Variants in KCNJ6 observed in about 807,000 individuals in gnomAD.
KCNJ6 encodes the protein G protein-activated inward rectifier potassium channel 2.
A neutral mutation model predicts 34.2 loss-of-function variants in KCNJ6; 9 were observed. The observed-to-expected ratio is 0.26, with a 90% CI of 0.16 to 0.46. The LOEUF (loss-of-function observed/expected upper bound fraction) is 0.46. Among genes scored for constraint, KCNJ6 ranks in the 20% least tolerant of loss-of-function variants. The pLI, the probability that KCNJ6 is intolerant of heterozygous loss-of-function variation, is 1.00. For synonymous variants in KCNJ6, 196 were observed against 207.1 expected, an observed-to-expected ratio of 0.95 and a Z score of 0.46; for missense variants, 236 against 531.3, an observed-to-expected ratio of 0.44 and a Z score of 5.46.
chr21:37,877,432 A>G (rs746233787), intron 1 of KCNJ6, among the ~76,000 whole-genome samples: 5 of 152,198 alleles, frequency 3.3e-5, no homozygotes, highest in Non-Finnish European at 7.3e-5. Flanking sequence ...GAGGGAAAGA[A>G]TCACTGATCT....
At chr21:37,881,066 T>C (rs1473735346) in intron 1 of KCNJ6, among the ~76,000 whole-genome samples, 1 of 152,128 alleles carries the variant, frequency 6.6e-6, no homozygotes, top group Non-Finnish European at 1.5e-5. Flanking sequence ...GATGCAGACG[T>C]GGAGAGTCTG....
At chr21:37,888,266 C>T (rs1050638966) in intron 1 of KCNJ6, among the ~76,000 whole-genome samples, 1 of 152,202 alleles carries the variant, frequency 6.6e-6, no homozygotes, top group Non-Finnish European at 1.5e-5. Context: ...CTACTGCTCC[C>T]ACATCATTCT....
chr21:37,808,938 T>C (rs1462579181), intron 2 of KCNJ6, among the ~76,000 whole-genome samples: 1 of 152,210 alleles, frequency 6.6e-6, no homozygotes, highest in Admixed American at 6.5e-5. Context: ...TGTAAACTAG[T>C]TCAACCATTG....
intron 1 of KCNJ6, among the ~76,000 whole-genome samples, chr21:37,899,278 T>A (rs536666112): frequency 1.2e-4 from 18 of 152,222 alleles, no homozygotes; most frequent in South Asian, 4.1e-4. Flanking sequence ...TTAATGATAT[T>A]CTTGCACATG....
At chr21:37,712,490 C>CCTCCCTCCTACCCTTCTCCTCCTCT (rs2054759339) in intron 3 of KCNJ6, among the ~76,000 whole-genome samples, 1 of 100,858 alleles carries the variant, frequency 9.9e-6, no homozygotes, top group African/African-American at 3.0e-5. Flanking sequence ...CTTTCTCTTC[C>CCTCCCTCCTACCCTTCTCCTCCTCT]CTCCCTCCTC....
At chr21:37,878,112 A>G (rs2055688149) in intron 1 of KCNJ6, among the ~76,000 whole-genome samples, 2 of 152,246 alleles carry the variant, frequency 1.3e-5, no homozygotes, top group South Asian at 2.1e-4. Context: ...GGTGGAAACA[A>G]TAAGCACTGA....
At chr21:37,816,711 C>T (rs1385808357) in intron 2 of KCNJ6, among the ~76,000 whole-genome samples, 4 of 152,100 alleles carry the variant, frequency 2.6e-5, no homozygotes, top group Admixed American at 1.3e-4. Context: ...AGAGACGTGC[C>T]GCCTCTGCTG....
chr21:37,804,073 T>A (rs2055282257), intron 2 of KCNJ6, among the ~76,000 whole-genome samples: 2 of 152,204 alleles, frequency 1.3e-5, no homozygotes, highest in Non-Finnish European at 2.9e-5. Flanking sequence ...TCAAAGGAGA[T>A]ATTAAAATCT....
At chr21:37,630,904 C>G (rs986083209) in intron 3 of KCNJ6, among the ~76,000 whole-genome samples, 1 of 151,772 alleles carries the variant, frequency 6.6e-6, no homozygotes, top group African/African-American at 2.4e-5. Flanking sequence ...TCTTGAATGC[C>G]CTTCCCATAG....
intron 2 of KCNJ6, among the ~76,000 whole-genome samples, chr21:37,765,903 AAATT>A (rs775549919): frequency 1.2e-4 from 18 of 152,248 alleles, no homozygotes; most frequent in East Asian, 1.9e-4. Context: ...ATTTATAATA[AAATT>A]ATTATGCATA....
chr21:37,744,392 T>C (rs1292240896), intron 2 of KCNJ6, among the ~76,000 whole-genome samples: 2 of 151,956 alleles, frequency 1.3e-5, no homozygotes, highest in Admixed American at 1.3e-4. Flanking sequence ...TGGGAAGGAA[T>C]GCACATGATT....
intron 2 of KCNJ6, among the ~76,000 whole-genome samples, chr21:37,770,830 TC>T (rs1250224741): frequency 6.6e-6 from 1 of 152,190 alleles, no homozygotes; most frequent in African/African-American, 2.4e-5. Context: ...ATATATGTTT[TC>T]CCCCTTCTTT....
chr21:37,639,799 T>C (rs922752777), intron 3 of KCNJ6, among the ~76,000 whole-genome samples: 28 of 152,214 alleles, frequency 1.8e-4, no homozygotes, highest in African/African-American at 6.8e-4. Context: ...TTTTCCTCTT[T>C]GGTGCTGTTC....
chr21:37,819,032 T>C (rs2055361535), intron 2 of KCNJ6, among the ~76,000 whole-genome samples: 1 of 152,210 alleles, frequency 6.6e-6, no homozygotes. Context: ...CCTAGAACTC[T>C]TTTTGTATCA....
At chr21:37,776,443 C>A (rs2055142512) in intron 2 of KCNJ6, among the ~76,000 whole-genome samples, 1 of 151,526 alleles carries the variant, frequency 6.6e-6, no homozygotes, top group Admixed American at 6.6e-5. Context: ...AAAGGGAATG[C>A]TTCCAGTTTT....
At chr21:37,858,190 G>C (rs1440391296) in intron 1 of KCNJ6, among the ~76,000 whole-genome samples, 1 of 151,918 alleles carries the variant, frequency 6.6e-6, no homozygotes, top group Non-Finnish European at 1.5e-5. Flanking sequence ...AGGAGATCGA[G>C]ACCATCCTGG....
At chr21:37,671,087 A>G (rs924017862) in intron 3 of KCNJ6, among the ~76,000 whole-genome samples, 1 of 152,184 alleles carries the variant, frequency 6.6e-6, no homozygotes, top group Non-Finnish European at 1.5e-5. Flanking sequence ...TGGAGTGTTA[A>G]GAATGTCTTT....
intron 3 of KCNJ6, among the ~76,000 whole-genome samples, chr21:37,709,542 T>A (rs1026633798): frequency 1.4e-4 from 10 of 71,984 alleles, no homozygotes; most frequent in Non-Finnish European, 2.7e-4. Flanking sequence ...AGAAAAGAAA[T>A]ATCAGGTGTC....
intron 2 of KCNJ6, among the ~76,000 whole-genome samples, chr21:37,721,066 A>G (rs2123458631): frequency 6.6e-6 from 1 of 152,200 alleles, no homozygotes; most frequent in East Asian, 1.9e-4. Flanking sequence ...TATATAAAGA[A>G]CTCTTACACC....
Sources: gnomAD v4.1 joint callset for allele counts (sites outside exome capture counted in the v4.1 genomes callset) on GRCh38, gnomAD v4.1.1 for gene constraint, MANE v1.5 for transcripts, NCBI Gene and HGNC (gene_info 2026-07-23, HGNC 2026-07-21) for gene names.